The following RUBCN variants were observed in gnomAD, a reference collection of about 807,000 sequenced individuals.
RUBCN encodes run domain Beclin-1-interacting and cysteine-rich domain-containing protein.
RUBCN carries 74 observed loss-of-function variants against 113.2 expected under a neutral mutation model. That is an observed-to-expected ratio of 0.65 (90% CI 0.54 to 0.79). RUBCN has a LOEUF of 0.79. Ranked by LOEUF, RUBCN falls within the 30% of genes least tolerant of loss-of-function variation. The probability of loss-of-function intolerance (pLI) is 0.00; values close to 1 mark genes in which losing one functional copy is unlikely to be tolerated. For missense variants in RUBCN, 1,109 were observed against 1,251.7 expected (o/e 0.89, Z 1.72); for synonymous variants, 480 against 490.0 (o/e 0.98, Z 0.27).
At chr3:197,696,229 G>C (rs1179975711) in intron 8 of RUBCN, among the ~76,000 whole-genome samples, 1 of 151,990 alleles carries the variant, frequency 6.6e-6, no homozygotes, top group Non-Finnish European at 1.5e-5. Flanking sequence ...AAAATTAGCT[G>C]GGCATGGTGG....
chr3:197,736,957 G>A (rs1728224453), upstream of RUBCN: 5 of 1,300,106 alleles, frequency 3.8e-6, no homozygotes, highest in Non-Finnish European at 4.9e-6. Context: ...CCGAGGCTAG[G>A]CCGCTCCCGC....
chr3:197,685,851 T>G (rs573433411), intron 11 of RUBCN, among the ~76,000 whole-genome samples: 16 of 152,358 alleles, frequency 1.1e-4, no homozygotes, highest in African/African-American at 3.8e-4. Context: ...GAGGCAACAG[T>G]AGGCCAGACT....
In RUBCN at chr3:197,693,759, G is replaced by A. The variant is rs1172431631; in HGVS notation, c.1742C>T (p.Ser581Phe). 1 of 1,614,080 alleles carries A rather than the reference G, an allele frequency of 6.2e-7. No homozygotes were observed. Among genetic ancestry groups the A allele is most frequent in the Non-Finnish European group, 8.5e-7 (1 of 1,179,930 alleles). Residue 581 changes from serine to phenylalanine, a missense_variant, in exon 11 of 20, where the codon TCT (serine) becomes TTT (phenylalanine). Ser to Phe is a radical substitution (Grantham distance 155). Transcript: ENST00000296343. ...AACCTCATCAGCAGAGCCAGAGTCAGAGAGCTGTGCCGAATCACGTGAGCT... is the reference window on the plus strand; with the variant it reads ...AACCTCATCAGCAGAGCCAGAGTCAAAGAGCTGTGCCGAATCACGTGAGCT... ...QFSSRDSAQL[S>F]DSGSADEVDE...
rs1580276628 is a variant in RUBCN at position 197,705,311 on chromosome 3, G to C, written c.220-136C>G. The C allele has an allele frequency of 1.5e-5, 12 of 784,828 alleles. No homozygotes were observed. The East Asian group carries it at 3.2e-4, about 21-fold the overall frequency. 48.6% of individuals were successfully genotyped at this position (784,828 alleles called of 1,614,324 possible). A position where few individuals can be genotyped will look rare whatever the true frequency, so the allele number is the denominator to read the frequency against. ...CAAAGGTTCTTAGCAGCAATCAAAG[G>C]ATACACACAGAGGCCAGGGGTGGTG... On this transcript the variant is annotated intron_variant, in intron 2 of 19. Transcript: ENST00000296343.
chr3:197,683,379 C>A lies in RUBCN; in HGVS notation c.1908G>T (p.Gln636His), dbSNP rs1430427397. The A allele has an allele frequency of 6.2e-7, 1 of 1,614,104 alleles. No individual in the cohort carries two copies. The highest frequency in any genetic ancestry group is 1.7e-5 in the Admixed American group (1 of 60,004). ...CGGCTGGAAGCTGCATCCCCTCAAACTGCTTCAGGAGCCCCATGGCCACCG... is the reference window on the plus strand; with the variant it reads ...CGGCTGGAAGCTGCATCCCCTCAAAATGCTTCAGGAGCCCCATGGCCACCG... ...AEAVAMGLLK[Q>H]FEGMQLPAAS... Residue 636 changes from glutamine to histidine, a missense_variant, in exon 13 of 20, where the codon CAG becomes CAT. Gln to His is a conservative substitution (Grantham distance 24). Coordinates refer to ENST00000296343, the MANE Select transcript of RUBCN (RefSeq NM_014687.4). This position sits in a 1 kb window ranked among gnomAD's most constrained non-coding sequence, Gnocchi z 4.6.
At chr3:197,699,420 C>T (rs1048599192) in intron 7 of RUBCN, among the ~76,000 whole-genome samples, 13 of 152,222 alleles carry the variant, frequency 8.5e-5, no homozygotes, top group Non-Finnish European at 1.5e-4. Context: ...CAGATCCTTC[C>T]GCACACATTT....
At chr3:197,696,110 C>T (rs1722970577) in intron 8 of RUBCN, 129 bp from the exon 9 acceptor site, 1 of 886,672 alleles carries the variant, frequency 1.1e-6, no homozygotes, top group Non-Finnish European at 1.8e-6. Flanking sequence ...TGTCCACCTT[C>T]TAAAAGAATT....
intron 2 of RUBCN, among the ~76,000 whole-genome samples, chr3:197,715,391 A>C (rs78012193): frequency 0.085 from 12,906 of 152,170 alleles, 631 homozygotes; most frequent in Middle Eastern, 0.12. Flanking sequence ...AAGCGTCAAC[A>C]AGGTATCTAT....
intron 4 of RUBCN, 143 bp from the exon 5 acceptor site, chr3:197,703,797 A>AAC: frequency 1.5e-6 from 1 of 685,454 alleles, no homozygotes; most frequent in Admixed American, 2.1e-5. Flanking sequence ...GAAGCTGAAG[A>AAC]ACGCGAGGTG....
chr3:197,744,919 T>A (rs1020133195), intron 1 of RUBCN, among the ~76,000 whole-genome samples: 2 of 152,150 alleles, frequency 1.3e-5, no homozygotes, highest in African/African-American at 2.4e-5. Flanking sequence ...CAGGTATATA[T>A]CCTGTACACC....
chr3:197,694,421 G>C lies in RUBCN; in HGVS notation c.1638C>G (p.Ile546Met), dbSNP rs1722775774. ...KQKIRLRRQQ[I>M]RTKNLLPMYQ... ...ACATGGGGAGCAGGTTCTTGGTGCG[G>C]ATTTGCTGGCGCCGAAGGCGGATCT... The change falls in exon 10 of 20, where the codon ATC becomes ATG. Residue 546 changes from isoleucine to methionine, a missense_variant. Ile to Met is a conservative substitution (Grantham distance 10). Coordinates refer to ENST00000296343, the MANE Select transcript of RUBCN (RefSeq NM_014687.4). 6.2e-7 allele frequency: 1 copy of C among 1,614,114 alleles called. No homozygotes were observed. The highest frequency in any genetic ancestry group is 8.5e-7 in the Non-Finnish European group (1 of 1,180,050).
chr3:197,731,735 T>G (rs1727510709), intron 1 of RUBCN, among the ~76,000 whole-genome samples: 1 of 148,282 alleles, frequency 6.7e-6, no homozygotes, highest in African/African-American at 2.5e-5. Flanking sequence ...ATGGGGCGAC[T>G]GGCCGGGCGG....
At chr3:197,686,468 T>C (rs1721858129) in intron 11 of RUBCN, among the ~76,000 whole-genome samples, 1 of 152,136 alleles carries the variant, frequency 6.6e-6, no homozygotes, top group Admixed American at 6.5e-5. Flanking sequence ...AGCACACTCG[T>C]CAAAGGGGCC....
chr3:197,710,653 C>G lies in RUBCN; in HGVS notation c.220-5478G>C, dbSNP rs181470243. Among the ~76,000 whole-genome samples, 10 of 150,666 alleles carry G rather than the reference C, an allele frequency of 6.6e-5. No individual in the cohort carries two copies. In the South Asian group the frequency reaches 8.4e-4, roughly 13 times the overall value. ...CAGACAAACTAGGAAAAAATATTTGCAACTCCCATTACAAAGGACTAATTT... is the reference window on the plus strand; with the variant it reads ...CAGACAAACTAGGAAAAAATATTTGGAACTCCCATTACAAAGGACTAATTT... On this transcript the variant is annotated intron_variant, in intron 2 of 19. Transcript: ENST00000296343.
At chr3:197,712,608 C>T (rs903558156) in intron 2 of RUBCN, among the ~76,000 whole-genome samples, 1 of 152,156 alleles carries the variant, frequency 6.6e-6, no homozygotes, top group Non-Finnish European at 1.5e-5. Flanking sequence ...CGGCACGGAT[C>T]TTTTGATTCT....
chr3:197,682,639 G>C, intron 13 of RUBCN, 24 bp from the exon 14 acceptor site: 3 of 1,601,690 alleles, frequency 1.9e-6, no homozygotes, highest in Non-Finnish European at 2.6e-6. Flanking sequence ...GCACAGTTGG[G>C]GTAAGCTCGT....
chr3:197,676,901 T>C lies in RUBCN; in HGVS notation c.2630A>G (p.His877Arg). The C allele has an allele frequency of 2.5e-6, 4 of 1,614,200 alleles. No individual in the cohort carries two copies. The highest frequency in any genetic ancestry group is 3.4e-6 in the Non-Finnish European group (4 of 1,180,030). ...LAELTRAGAT[H>R]VERCMLCQAK... ...CTTTCTCACCATGCATCTCTCCACA[T>C]GGGTAGCCCCTGCCCTGGTGAGCTC... Residue 877 changes from histidine (H) to arginine (R), a missense_variant, in exon 18 of 20, where the codon CAT becomes CGT. Physicochemically the swap from His to Arg is conservative, Grantham distance 29. Transcript: ENST00000296343.
At chr3:197,685,766 A>C (rs1340496114) in intron 11 of RUBCN, among the ~76,000 whole-genome samples, 1 of 152,202 alleles carries the variant, frequency 6.6e-6, no homozygotes, top group Non-Finnish European at 1.5e-5. Flanking sequence ...CTGTGCCACA[A>C]AACCCAGATC....
chr3:197,749,134 A>G (rs764927203), intron 1 of RUBCN: 36 of 343,658 alleles, frequency 1.0e-4, no homozygotes, highest in Non-Finnish European at 1.4e-4. Context: ...AACGGAAAAA[A>G]GTTATCATGC....
Sources: gnomAD v4.1 joint callset for allele counts (sites outside exome capture counted in the v4.1 genomes callset) on GRCh38, gnomAD v4.1.1 for gene constraint, Gnocchi (gnomAD v3.1) non-coding constraint, MANE v1.5 for transcripts, NCBI Gene and HGNC (gene_info 2026-07-23, HGNC 2026-07-21) for gene names.